NUBPL: variants seen among roughly 807,000 people sequenced by gnomAD.
NUBPL encodes the protein NUBP iron-sulfur cluster assembly factor, mitochondrial, also known as iron-sulfur cluster transfer protein NUBPL.
A neutral mutation model predicts 45.7 loss-of-function variants in NUBPL; 31 were observed. The ratio of observed to expected loss-of-function variants is 0.68; its 90% CI spans 0.51 to 0.92. The LOEUF is 0.92. Among genes scored for constraint, NUBPL ranks in the 40% least tolerant of loss-of-function variants. NUBPL has a pLI of 0.00. For missense variants in NUBPL, 401 were observed against 398.7 expected, an observed-to-expected ratio of 1.01 and a Z score of -0.05; for synonymous variants, 144 against 140.9, an observed-to-expected ratio of 1.02 and a Z score of -0.15.
chr14:31,669,478 T>C (rs1595467345), intron 4 of NUBPL, among the ~76,000 whole-genome samples: 1 of 152,076 alleles, frequency 6.6e-6, no homozygotes, highest in Non-Finnish European at 1.5e-5. Flanking sequence ...TTTTAAACTT[T>C]TATTTTATGT....
At chr14:31,767,064 C>G (rs2038926335) in intron 6 of NUBPL, among the ~76,000 whole-genome samples, 1 of 151,970 alleles carries the variant, frequency 6.6e-6, no homozygotes, top group South Asian at 2.1e-4. Flanking sequence ...TAAAAGTGCC[C>G]CCCTCAAAGC....
At chr14:31,618,270 G>A (rs369816740) in intron 4 of NUBPL, among the ~76,000 whole-genome samples, 3 of 151,800 alleles carry the variant, frequency 2.0e-5, no homozygotes, top group African/African-American at 7.3e-5. Context: ...GTGTCTCTAT[G>A]TCCTTCAGTT....
intron 6 of NUBPL, among the ~76,000 whole-genome samples, chr14:31,742,237 T>TGTAC (rs528801796): frequency 1.4e-5 from 2 of 141,382 alleles, no homozygotes; most frequent in Non-Finnish European, 3.1e-5. Context: ...AACTATTGTG[T>TGTAC]ACACACACAC....
intron 4 of NUBPL, among the ~76,000 whole-genome samples, chr14:31,621,307 G>A (rs530063124): frequency 1.3e-4 from 20 of 152,114 alleles, no homozygotes; most frequent in African/African-American, 4.8e-4. Context: ...TTTCTCACTG[G>A]CGTTCCAGGT....
At chr14:31,650,464 T>A (rs1321576768) in intron 4 of NUBPL, among the ~76,000 whole-genome samples, 2 of 152,068 alleles carry the variant, frequency 1.3e-5, no homozygotes, top group Non-Finnish European at 2.9e-5. Flanking sequence ...TAATTTTTTG[T>A]ATTTTTAGTA....
At chr14:31,749,631 CT>C (rs1361424984) in intron 6 of NUBPL, among the ~76,000 whole-genome samples, 1 of 151,866 alleles carries the variant, frequency 6.6e-6, no homozygotes, top group African/African-American at 2.4e-5. Context: ...TTCGAATTCT[CT>C]TTTTTTTCTT....
At chr14:31,627,965 T>C (rs1228743217) in intron 4 of NUBPL, among the ~76,000 whole-genome samples, 1 of 151,996 alleles carries the variant, frequency 6.6e-6, no homozygotes, top group South Asian at 2.1e-4. Context: ...TTGAGAAGAG[T>C]GGCATTGTTT....
chr14:31,813,189 A>T (rs2039846526), intron 7 of NUBPL, among the ~76,000 whole-genome samples: 1 of 151,718 alleles, frequency 6.6e-6, no homozygotes, highest in Non-Finnish European at 1.5e-5. Flanking sequence ...GGGTTTCACC[A>T]TGTTAGCCAG....
intron 4 of NUBPL, among the ~76,000 whole-genome samples, chr14:31,619,536 G>A (rs571942979): frequency 6.4e-4 from 98 of 152,208 alleles, no homozygotes; most frequent in African/African-American, 2.4e-3. Flanking sequence ...TTTCTGCTTT[G>A]CTTATGAATG....
intron 4 of NUBPL, among the ~76,000 whole-genome samples, chr14:31,659,198 G>C (rs1205822147): frequency 3.9e-5 from 6 of 152,314 alleles, no homozygotes; most frequent in Admixed American, 2.0e-4. Context: ...GTAGTGCTTT[G>C]TGACTATGTG....
At chr14:31,819,939 G>A (rs1447434776) in intron 7 of NUBPL, among the ~76,000 whole-genome samples, 1 of 151,974 alleles carries the variant, frequency 6.6e-6, no homozygotes, top group Non-Finnish European at 1.5e-5. Context: ...AGGAGATCGA[G>A]ACCATCCTGG....
intron 6 of NUBPL, among the ~76,000 whole-genome samples, chr14:31,757,790 G>A (rs1453944340): frequency 2.0e-5 from 3 of 152,048 alleles, no homozygotes; most frequent in African/African-American, 7.2e-5. Context: ...CATGTGCTTA[G>A]ATCATAACTC....
intron 4 of NUBPL, among the ~76,000 whole-genome samples, chr14:31,619,108 A>G (rs141366226): frequency 1.3e-5 from 2 of 152,116 alleles, no homozygotes; most frequent in East Asian, 1.9e-4. Flanking sequence ...ATCGCAACCC[A>G]TGCTATTTTT....
chr14:31,754,248 G>C (rs1566542956), intron 6 of NUBPL, among the ~76,000 whole-genome samples: 1 of 152,152 alleles, frequency 6.6e-6, no homozygotes. Flanking sequence ...TAATGAAAAA[G>C]TATAAGATCT....
intron 6 of NUBPL, among the ~76,000 whole-genome samples, chr14:31,721,343 C>T (rs1010890066): frequency 2.6e-5 from 4 of 152,172 alleles, no homozygotes; most frequent in Admixed American, 6.5e-5. Context: ...TTAGACATTT[C>T]ACAAAAGTAT....
At chr14:31,749,204 T>C (rs1259540880) in intron 6 of NUBPL, among the ~76,000 whole-genome samples, 1 of 152,220 alleles carries the variant, frequency 6.6e-6, no homozygotes, top group African/African-American at 2.4e-5. Context: ...TTTGTTCTCT[T>C]TTTTCCTCTC....
chr14:31,739,328 G>A (rs542589561), intron 6 of NUBPL, among the ~76,000 whole-genome samples: 4 of 150,158 alleles, frequency 2.7e-5, no homozygotes, highest in South Asian at 2.1e-4. Context: ...CGGATGATCC[G>A]TCCGCCTTGG....
At chr14:31,565,584 T>G (rs1269461065) in intron 3 of NUBPL, among the ~76,000 whole-genome samples, 9 of 152,150 alleles carry the variant, frequency 5.9e-5, no homozygotes, top group Admixed American at 5.9e-4. Flanking sequence ...CATCTTTCCA[T>G]GATGTGCCTC....
intron 4 of NUBPL, among the ~76,000 whole-genome samples, chr14:31,669,282 C>G (rs2036513670): frequency 1.3e-5 from 2 of 152,172 alleles, no homozygotes. Context: ...TTAATCACTT[C>G]AAACATTATT....
Sources: allele counts gnomAD v4.1 joint callset (sites outside exome capture counted in the v4.1 genomes callset), GRCh38; gene constraint gnomAD v4.1.1; transcripts MANE v1.5; gene names NCBI Gene and HGNC (gene_info 2026-07-23, HGNC 2026-07-21).